Variants in TMTC3 observed in about 807,000 individuals in gnomAD.
TMTC3 encodes the protein transmembrane O-mannosyltransferase targeting cadherins 3, also known as protein O-mannosyl-transferase TMTC3.
In TMTC3, 52 loss-of-function variants were observed where a neutral mutation model predicts 92.2. The observed-to-expected ratio is 0.56, with a 90% confidence interval of 0.45 to 0.71. The LOEUF is 0.71. TMTC3 is among the 30% of genes least tolerant of loss of function. The pLI is 0.00. For missense variants in TMTC3, 896 were observed against 1,057.1 expected, an observed-to-expected ratio of 0.85 and a Z score of 2.11; for synonymous variants, 339 against 363.3, an observed-to-expected ratio of 0.93 and a Z score of 0.76.
In TMTC3 at chr12:88,192,769, G is replaced by A. The variant is rs769508512; in HGVS notation, c.1872G>A (p.Leu624=). Residue 624 remains leucine (L), a synonymous_variant, in exon 13 of 14, where the codon CTG becomes CTA. Transcript: ENST00000266712. ...CCCTAAAAAACTTTAATCGTGCTCT[G>A]GAACTAAATCCAAAGCATAAACTAG... is the stretch of plus-strand genomic sequence containing the variant. ...NEALKNFNRA[L]ELNPKHKLAL... 13 of 1,613,292 alleles carry A rather than the reference G, an allele frequency of 8.1e-6. No homozygotes were observed.
At chr12:88,176,732 A>G (rs2041263633) in intron 10 of TMTC3, among the ~76,000 whole-genome samples, 1 of 152,180 alleles carries the variant, frequency 6.6e-6, no homozygotes, top group South Asian at 2.1e-4. Flanking sequence ...CTATGATCAC[A>G]TGATTATACC....
chr12:88,169,013 G>A (rs1466590795), intron 7 of TMTC3, among the ~76,000 whole-genome samples: 1 of 152,152 alleles, frequency 6.6e-6, no homozygotes, highest in African/African-American at 2.4e-5. Context: ...TTAGTAGCAG[G>A]AAATTAAAGA....
At chr12:88,179,129 T>A (rs2041289956) in intron 10 of TMTC3, among the ~76,000 whole-genome samples, 1 of 152,204 alleles carries the variant, frequency 6.6e-6, no homozygotes, top group Non-Finnish European at 1.5e-5. Context: ...AGTAAACCAG[T>A]TTATTATATT....
rs555001513 is a variant in TMTC3 at position 88,148,205 on chromosome 12, T to G, written c.-28-83T>G. ...TGCGCTTTTCTCTGGAGAATTAATATGCAATTACTTACCCACCTACTAAAA... is the reference window on the plus strand; with the variant it reads ...TGCGCTTTTCTCTGGAGAATTAATAGGCAATTACTTACCCACCTACTAAAA... On this transcript the variant is annotated intron_variant, in intron 1 of 13. Transcript: ENST00000266712. The G allele has an allele frequency of 5.1e-6, 4 of 786,830 alleles. No individual in the cohort carries two copies. The African/African-American group carries it at 5.2e-5, about 10-fold the overall frequency. 48.7% of individuals were successfully genotyped at this position (786,830 alleles called of 1,614,324 possible).
intron 6 of TMTC3, among the ~76,000 whole-genome samples, chr12:88,163,946 C>G (rs2041110476): frequency 6.6e-6 from 1 of 151,884 alleles, no homozygotes; most frequent in African/African-American, 2.4e-5. Context: ...GCCTGTAATC[C>G]CAGCACTTTG....
rs979760790 is a variant in TMTC3 at position 88,159,677 on chromosome 12, A to T, written c.509-437A>T. Among the ~76,000 whole-genome samples the T allele has an allele frequency of 1.1e-4, 17 of 151,538 alleles. No individual in the cohort carries two copies. The South Asian group carries it at 1.5e-3, about 13-fold the overall frequency. ...GACCCTGTCTTAAAAAAAAAAAAAA[A>T]GTATAGTACCCTACTTTTCCCAATA... On this transcript the variant is annotated intron_variant, in intron 4 of 13. Transcript: ENST00000266712.
chr12:88,171,469 G>A (rs2041204087), intron 7 of TMTC3, among the ~76,000 whole-genome samples: 1 of 151,986 alleles, frequency 6.6e-6, no homozygotes, highest in South Asian at 2.1e-4. Flanking sequence ...GTCTTTCTGT[G>A]GCTGGCTTAT....
intron 4 of TMTC3, among the ~76,000 whole-genome samples, chr12:88,156,550 AT>A (rs1353219991): frequency 5.3e-5 from 8 of 152,306 alleles, no homozygotes; most frequent in African/African-American, 1.9e-4. Context: ...CTTTTAAAAA[AT>A]ATCTACCTCT....
At chr12:88,156,850 A>G (rs1226195839) in intron 4 of TMTC3, among the ~76,000 whole-genome samples, 1 of 134,980 alleles carries the variant, frequency 7.4e-6, no homozygotes, top group Non-Finnish European at 1.6e-5. Context: ...CTTAGAAACT[A>G]TTTTTCCCTC....
At chr12:88,151,703 G>A (rs749112586) in intron 2 of TMTC3, among the ~76,000 whole-genome samples, 1 of 152,166 alleles carries the variant, frequency 6.6e-6, no homozygotes, top group African/African-American at 2.4e-5. Context: ...TACTTTCTGA[G>A]TACATCCTTT....
In TMTC3 at chr12:88,194,970, T is replaced by G; in HGVS notation, c.2066T>G (p.Ile689Ser). 1.9e-6 allele frequency: 3 copies of G among 1,613,780 alleles called. No homozygotes were observed. The highest frequency in any genetic ancestry group is 2.5e-6 in the Non-Finnish European group (3 of 1,179,896). Residue 689 changes from isoleucine to serine, a missense_variant, in exon 14 of 14, where the codon ATT becomes AGT. Transcript: ENST00000266712. ...MDDKKDNEAE[I>S]WMKKAIKLQA... ...GACAAAAAGGACAATGAAGCAGAGA[T>G]TTGGATGAAGAAAGCCATAAAGTTA...
At chr12:88,179,104 T>A (rs2041289646) in intron 10 of TMTC3, among the ~76,000 whole-genome samples, 1 of 152,202 alleles carries the variant, frequency 6.6e-6, no homozygotes, top group Non-Finnish European at 1.5e-5. Context: ...TCATAAGCCA[T>A]GAGATAGGAA....
rs1443200548 is a variant in TMTC3, at chr12:88,196,682, T to C, written c.*1033T>C. 6.6e-6 allele frequency: 1 copy of C among 151,956 alleles called. No homozygotes were observed. Among genetic ancestry groups the C allele is most frequent in the African/African-American group, 2.4e-5 (1 of 41,442 alleles). 9.4% of individuals were successfully genotyped at this position (151,956 alleles called of 1,614,324 possible). On this transcript the variant is annotated 3_prime_UTR_variant, in exon 14 of 14. Transcript: ENST00000266712. ...ACACTAACTTCTTGATATTTTGTTA[T>C]GGTATATCTTTTTATTAAATATTTA... is the stretch of plus-strand genomic sequence containing the variant.
At chr12:88,166,034 G>T (rs1245911839) in intron 6 of TMTC3, among the ~76,000 whole-genome samples, 5 of 152,098 alleles carry the variant, frequency 3.3e-5, no homozygotes, top group Non-Finnish European at 5.9e-5. Context: ...GAACACTTTT[G>T]CAGTGTTGTA....
intron 7 of TMTC3, 123 bp from the exon 8 acceptor site, chr12:88,172,474 C>A: frequency 2.2e-6 from 1 of 452,394 alleles, no homozygotes; most frequent in Non-Finnish European, 3.3e-6. Flanking sequence ...TTTAGCAGTA[C>A]ACTATCCAGG....
chr12:88,163,916 G>A lies in TMTC3; in HGVS notation c.798-2414G>A, dbSNP rs377576807. Reference sequence around the variant, plus strand: ...TGCTGATTTGAACTCATCAAAATCAGGCCAGGTGTGGTGGCTCACGCCTGT... The same window carrying A: ...TGCTGATTTGAACTCATCAAAATCAAGCCAGGTGTGGTGGCTCACGCCTGT... On this transcript the variant is annotated intron_variant, in intron 6 of 13. Transcript: ENST00000266712. Among the ~76,000 whole-genome samples the A allele has an allele frequency of 3.3e-5, 5 of 152,232 alleles. No individual in the cohort carries two copies. The East Asian group carries it at 7.7e-4, about 24-fold the overall frequency.
intron 3 of TMTC3, among the ~76,000 whole-genome samples, chr12:88,153,732 A>C (rs1365996509): frequency 6.6e-6 from 1 of 152,066 alleles, no homozygotes; most frequent in Admixed American, 6.5e-5. Context: ...TTGAAACATA[A>C]ACATTTTTCA....
chr12:88,186,465 T>G (rs1361123582), intron 10 of TMTC3, among the ~76,000 whole-genome samples: 2 of 152,110 alleles, frequency 1.3e-5, no homozygotes, highest in African/African-American at 2.4e-5. Context: ...AATTAACTGA[T>G]TATAGAAACC....
chr12:88,183,239 A>G (rs1206943690), intron 10 of TMTC3, among the ~76,000 whole-genome samples: 1 of 152,192 alleles, frequency 6.6e-6, no homozygotes, highest in African/African-American at 2.4e-5. Context: ...GAGAGGAATA[A>G]CAGTGGCCAT....
Sources: allele counts gnomAD v4.1 joint callset (sites outside exome capture counted in the v4.1 genomes callset), GRCh38; gene constraint gnomAD v4.1.1; transcripts MANE v1.5; gene names NCBI Gene and HGNC (gene_info 2026-07-23, HGNC 2026-07-21).